The following MPP3 variants were observed in gnomAD, a reference collection of about 807,000 sequenced individuals.
MPP3 encodes the protein MAGUK p55 subfamily member 3.
In MPP3, 48 loss-of-function variants were observed where a neutral mutation model predicts 80.7. The ratio of observed to expected loss-of-function variants is 0.59; its 90% CI spans 0.47 to 0.76. The LOEUF (loss-of-function observed/expected upper bound fraction) is 0.76, where lower values mean the gene tolerates loss of function less well. Among genes scored for constraint, MPP3 ranks in the 30% least tolerant of loss-of-function variants. MPP3 has a pLI of 0.00. For synonymous variants in MPP3, 311 were observed against 297.6 expected (o/e 1.04, Z -0.46); for missense variants, 620 against 763.0 (o/e 0.81, Z 2.21).
intron 10 of MPP3, among the ~76,000 whole-genome samples, chr17:43,822,623 G>A (rs537820712): frequency 1.3e-4 from 17 of 128,108 alleles, no homozygotes; most frequent in African/African-American, 4.9e-4. Context: ...CCTCCTCCCC[G>A]TGGCTGCCTC....
chr17:43,824,105 A>G (rs1357380847), intron 9 of MPP3, 100 bp from the exon 10 acceptor site: 2 of 814,676 alleles, frequency 2.5e-6, no homozygotes, highest in Non-Finnish European at 3.9e-6. Context: ...TCAGAAAGTC[A>G]GACTTGCAGC....
At chr17:43,827,935 G>A (rs991374994) in intron 7 of MPP3, 103 bp from the exon 8 acceptor site, 65 of 1,070,594 alleles carry the variant, frequency 6.1e-5, no homozygotes, top group Admixed American at 3.5e-5. Flanking sequence ...CCCTCTGACA[G>A]TCCAGAGAGA....
chr17:43,817,768 T>C (rs776895061), intron 12 of MPP3, among the ~76,000 whole-genome samples: 1 of 152,190 alleles, frequency 6.6e-6, no homozygotes, highest in Non-Finnish European at 1.5e-5. Flanking sequence ...CACACGCACA[T>C]GCACACGCGT....
intron 16 of MPP3, among the ~76,000 whole-genome samples, chr17:43,812,139 T>TCC (rs2044892282): frequency 6.6e-6 from 1 of 152,168 alleles, no homozygotes; most frequent in Non-Finnish European, 1.5e-5. Context: ...CACATGGTGT[T>TCC]TTCTCATTGA....
intron 11 of MPP3, among the ~76,000 whole-genome samples, chr17:43,820,605 TAC>T (rs61249899): frequency 0.014 from 1,708 of 125,012 alleles, 20 homozygotes; most frequent in South Asian, 0.052. Context: ...AAAAAAAAAA[TAC>T]ACACACACAC....
intron 12 of MPP3, among the ~76,000 whole-genome samples, chr17:43,817,146 C>T (rs1161643121): frequency 6.6e-6 from 1 of 152,168 alleles, no homozygotes; most frequent in African/African-American, 2.4e-5. Flanking sequence ...GTTCTGGTCA[C>T]CTGGCACCTG....
intron 8 of MPP3, among the ~76,000 whole-genome samples, chr17:43,826,485 T>C (rs1167496890): frequency 3.3e-5 from 5 of 152,220 alleles, no homozygotes; most frequent in African/African-American, 1.2e-4. Context: ...GACTCGTTAA[T>C]GTTTGCAAAG....
intron 13 of MPP3, among the ~76,000 whole-genome samples, 187 bp downstream of exon 13, chr17:43,816,490 C>A (rs1168773931): frequency 6.6e-6 from 1 of 152,220 alleles, no homozygotes; most frequent in Non-Finnish European, 1.5e-5. Flanking sequence ...AGGCCTTGAA[C>A]CCTGTCCCCA....
chr17:43,802,861 T>A (rs2044469038), intron 19 of MPP3, among the ~76,000 whole-genome samples: 1 of 152,242 alleles, frequency 6.6e-6, no homozygotes, highest in South Asian at 2.1e-4. Flanking sequence ...ATTCCAAATA[T>A]TCCCCCCTCT....
In MPP3 at chr17:43,806,197, G is replaced by C. The variant is rs182649204; in HGVS notation, c.1581+2759C>G. 2.7e-3 allele frequency among the ~76,000 whole-genome samples: 411 copies of C among 152,008 alleles called. 1 individual carries two copies. Among genetic ancestry groups the C allele is most frequent in the African/African-American group, 9.6e-3 (398 of 41,428 alleles). Reference sequence around the variant, plus strand: ...ATTTATTTTTTTGAGACAGAGTCTTGCTCTGTCGCCCAGGCTGAAGTACAG... The same window carrying C: ...ATTTATTTTTTTGAGACAGAGTCTTCCTCTGTCGCCCAGGCTGAAGTACAG... On this transcript the variant is annotated intron_variant, in intron 19 of 19. Coordinates refer to ENST00000398389, the MANE Select transcript of MPP3 (RefSeq NM_001932.6).
At chr17:43,829,182 T>A (rs2045847011) in intron 7 of MPP3, among the ~76,000 whole-genome samples, 1 of 152,192 alleles carries the variant, frequency 6.6e-6, no homozygotes, top group Admixed American at 6.5e-5. Flanking sequence ...GCAGGCATTG[T>A]CACACGTTTT....
Position 43,816,703 on chromosome 17 carries a change from G to A in MPP3, c.947-6C>T. The stretch of plus-strand genomic sequence containing the variant: ...TTTGTCACAAGGCTGATCATCTGCG[G>A]TTTGCACAAAAGACAGATGGAACAG... On this transcript the variant is annotated splice_polypyrimidine_tract_variant and splice_region_variant and intron_variant, in intron 12 of 19. Transcript: ENST00000398389. 1 of 1,575,242 alleles carries A rather than the reference G, an allele frequency of 6.3e-7. No individual in the cohort carries two copies. Among genetic ancestry groups the A allele is most frequent in the Non-Finnish European group, 8.6e-7 (1 of 1,159,662 alleles).
At position 43,816,552 on chromosome 17, in the gene MPP3, G is replaced by T. The variant is rs1016970531; in HGVS notation, c.967+125C>A. ...CCCAGTCCAGCTGGCAGAGCAGGAA[G>T]AGGTGCGCAGACAGTGGGAGGGGCA... On this transcript the variant is annotated intron_variant, in intron 13 of 19. Coordinates refer to ENST00000398389, the MANE Select transcript of MPP3 (RefSeq NM_001932.6). 4 of 887,896 alleles carry T rather than the reference G, an allele frequency of 4.5e-6. No homozygotes were observed. The African/African-American group carries it at 6.6e-5, about 15-fold the overall frequency. 55.0% of individuals were successfully genotyped at this position (887,896 alleles called of 1,614,324 possible). A position where few individuals can be genotyped will look rare whatever the true frequency, so the allele number is the denominator to read the frequency against.
intron 12 of MPP3, among the ~76,000 whole-genome samples, chr17:43,817,352 C>T (rs1390138700): frequency 6.6e-6 from 1 of 152,196 alleles, no homozygotes; most frequent in Non-Finnish European, 1.5e-5. Context: ...ACTCTACCGA[C>T]TTCACAGGGT....
chr17:43,828,056 G>A (rs114016309), intron 7 of MPP3, among the ~76,000 whole-genome samples: 2,466 of 152,314 alleles, frequency 0.016, 49 homozygotes, highest in African/African-American at 0.044. Flanking sequence ...CATTTTAGAT[G>A]AGGGACTGGG....
Position 43,823,992 on chromosome 17 carries a change from C to A in MPP3, c.623G>T (p.Gly208Val). The A allele has an allele frequency of 6.2e-7, 1 of 1,607,986 alleles. No homozygotes were observed. Among genetic ancestry groups the A allele is most frequent in the Non-Finnish European group, 8.5e-7 (1 of 1,177,372 alleles). ...TGGGATGATTTTTAGGGTGATGGAT[C>A]CCTGGGACTGGGCCTGAAACGAAAG... The part of the protein sequence containing the change: ...EISQILAQSQ[G>V]SITLKIIPAT... The change falls in exon 10 of 20, where the codon GGA becomes GTA. Residue 208 changes from glycine (G) to valine (V), a missense_variant. By Grantham distance (109) the Gly-to-Val change is moderately radical (BLOSUM62 -3). Transcript: ENST00000398389.
intron 14 of MPP3, chr17:43,815,809 G>A (rs924136970): frequency 2.8e-5 from 19 of 675,104 alleles, no homozygotes; most frequent in African/African-American, 1.3e-4. Flanking sequence ...TGCCTTTCCC[G>A]CCAGGGCAGT....
At chr17:43,805,868 T>C (rs1228450944) in intron 19 of MPP3, among the ~76,000 whole-genome samples, 1 of 152,246 alleles carries the variant, frequency 6.6e-6, no homozygotes, top group African/African-American at 2.4e-5. Flanking sequence ...AAATTGACTG[T>C]GGTAGTTGCA....
chr17:43,810,918 A>G lies in MPP3; in HGVS notation c.1350-3T>C. 2 of 1,595,998 alleles carry G rather than the reference A, an allele frequency of 1.3e-6. No individual in the cohort carries two copies. Among genetic ancestry groups the G allele is most frequent in the Non-Finnish European group, 1.7e-6 (2 of 1,172,366 alleles). ...TATATTCACCATGTTCCAGGAACCT[A>G]AAACACCACCAAAGGGGAAAAGGCC... On this transcript the variant is annotated splice_region_variant and splice_polypyrimidine_tract_variant and intron_variant, in intron 17 of 19. Transcript: ENST00000398389.
Sources: gnomAD v4.1 joint callset for allele counts (sites outside exome capture counted in the v4.1 genomes callset) on GRCh38, gnomAD v4.1.1 for gene constraint, MANE v1.5 for transcripts, NCBI Gene and HGNC (gene_info 2026-07-23, HGNC 2026-07-21) for gene names.